Variants in DMD observed in about 807,000 individuals in gnomAD.
DMD encodes mutant dystrophin.
A neutral mutation model predicts 330.1 loss-of-function variants in DMD; 63 were observed. The observed-to-expected ratio is 0.19, with a 90% CI of 0.16 to 0.24. DMD has a LOEUF of 0.24. Ranked by LOEUF, DMD falls within the 10% of genes least tolerant of loss-of-function variation. DMD has a pLI of 1.00. For synonymous variants in DMD, 1,223 were observed against 959.8 expected (o/e 1.27, Z -5.07); for missense variants, 3,344 against 2,684.1 (o/e 1.25, Z -5.43).
At chrX:31,596,070 C>G (rs2077098196) in intron 55 of DMD, among the ~76,000 whole-genome samples, 1 of 111,381 alleles carries the variant, frequency 9.0e-6, no homozygotes, top group Admixed American at 9.6e-5. Context: ...GCTCAAATCA[C>G]AAAAGTATTT....
intron 44 of DMD, among the ~76,000 whole-genome samples, chrX:32,108,212 T>A (rs2096573530): frequency 9.0e-6 from 1 of 111,582 alleles, no homozygotes; most frequent in Admixed American, 9.6e-5. Context: ...GATCCACATT[T>A]TGATCATTGC....
intron 54 of DMD, among the ~76,000 whole-genome samples, chrX:31,636,370 T>C (rs776405890): frequency 8.9e-6 from 1 of 112,219 alleles, no homozygotes; most frequent in Non-Finnish European, 1.9e-5. Context: ...CCATTTTATA[T>C]TCAACATGTA....
At chrX:31,635,433 C>T (rs762604545) in intron 54 of DMD, among the ~76,000 whole-genome samples, 8 of 111,593 alleles carry the variant, frequency 7.2e-5, no homozygotes, top group African/African-American at 2.0e-4. Context: ...TTATATATAT[C>T]CTCATCCACA....
chrX:33,309,899 A>G (rs1405593739), intron 1 of DMD, among the ~76,000 whole-genome samples: 2 of 111,415 alleles, frequency 1.8e-5, no homozygotes, highest in African/African-American at 3.2e-5. Context: ...TCCATCAAAA[A>G]TGAAGCATAG....
intron 67 of DMD, among the ~76,000 whole-genome samples, chrX:31,186,826 C>T (rs913550724): frequency 7.1e-5 from 8 of 112,825 alleles, no homozygotes; most frequent in Non-Finnish European, 1.5e-4. Flanking sequence ...TTTCAGGATT[C>T]ACTGAGTCCA....
intron 50 of DMD, among the ~76,000 whole-genome samples, chrX:31,790,652 C>T (rs1743268262): frequency 9.0e-6 from 1 of 110,524 alleles, no homozygotes; most frequent in South Asian, 3.8e-4. Context: ...TGGGAAAACA[C>T]CATCATTTAT....
chrX:32,265,954 G>A (rs958089037), intron 43 of DMD, among the ~76,000 whole-genome samples: 2 of 111,742 alleles, frequency 1.8e-5, no homozygotes, highest in African/African-American at 6.5e-5. Context: ...AGTGAGTTAA[G>A]ACTTTGAGTG....
At chrX:32,416,629 C>T (rs750984954) in intron 29 of DMD, among the ~76,000 whole-genome samples, 7 of 111,733 alleles carry the variant, frequency 6.3e-5, no homozygotes, top group South Asian at 7.5e-4. Flanking sequence ...CATTAATTGG[C>T]CCCAACCTGA....
At chrX:32,737,559 C>T (rs1476602842) in intron 7 of DMD, among the ~76,000 whole-genome samples, 1 of 111,264 alleles carries the variant, frequency 9.0e-6, no homozygotes, top group African/African-American at 3.3e-5. Flanking sequence ...CTTCTCTCAG[C>T]TGCATTCCCA....
At chrX:32,348,328 T>C (rs1216930385) in intron 38 of DMD, 78 bp downstream of exon 38, 8 of 1,014,317 alleles carry the variant, frequency 7.9e-6, no homozygotes, top group Admixed American at 6.7e-5. Context: ...GAAAATTCAG[T>C]TGGAGACTTA....
chrX:31,596,082 G>C (rs758925049), intron 55 of DMD, among the ~76,000 whole-genome samples: 12 of 111,212 alleles, frequency 1.1e-4, no homozygotes, highest in Non-Finnish European at 2.3e-4. Context: ...AAAGTATTTG[G>C]TTTCTCCTTT....
intron 1 of DMD, among the ~76,000 whole-genome samples, chrX:33,065,850 T>C (rs1285184435): frequency 1.8e-5 from 2 of 112,072 alleles, no homozygotes. Flanking sequence ...TCCTTCGACC[T>C]GGTGTAAAAT....
chrX:31,358,208 C>T (rs1012940239), intron 60 of DMD, among the ~76,000 whole-genome samples: 19 of 109,796 alleles, frequency 1.7e-4, no homozygotes, highest in Non-Finnish European at 2.7e-4. Flanking sequence ...GATATTTTCA[C>T]TTCAACTCTA....
chrX:32,190,550 T>TTATATATATATATATATATA lies in DMD; in HGVS notation c.6438+26346_6438+26365dup, dbSNP rs753482446. Among the ~76,000 whole-genome samples, 149 of 62,482 alleles carry TTATATATATATATATATATA rather than the reference T, an allele frequency of 2.4e-3. 1 individual carries two copies. The highest frequency in any genetic ancestry group is 2.9e-3 in the South Asian group (3 of 1,043). The allele number at this position is 62,482 out of a possible 115,157, so 54.3% of individuals were successfully genotyped here. Reference sequence around the variant, plus strand: ...ATTCTAGCTAACCATATTTAAAATTTTATATATATATATATATATATATAT... The same window carrying TTATATATATATATATATATA: ...ATTCTAGCTAACCATATTTAAAATTTTATATATATATATATATATATATATATATATATATATATATATAT... On this transcript the variant is annotated intron_variant, in intron 44 of 78. Transcript: ENST00000357033.
In DMD at chrX:31,421,932, TAC is replaced by T. The variant is rs1230087249; in HGVS notation, c.9084+22547_9084+22548del. Among the ~76,000 whole-genome samples, 759 of 82,547 alleles carry T rather than the reference TAC, an allele frequency of 9.2e-3. 11 individuals carry two copies. The highest frequency in any genetic ancestry group is 0.034 in the Middle Eastern group (6 of 175). The allele number at this position is 82,547 out of a possible 115,157, so 71.7% of individuals were successfully genotyped here. A position where few individuals can be genotyped will look rare whatever the true frequency, so the allele number is the denominator to read the frequency against. ...ACACACACATATATATATATATATA[TAC>T]ACACACACATATATATATATATATA... On this transcript the variant is annotated intron_variant, in intron 60 of 78. Coordinates refer to ENST00000357033, the MANE Select transcript of DMD (RefSeq NM_004006.3).
At chrX:33,107,674 A>C (rs1423465871) in intron 1 of DMD, among the ~76,000 whole-genome samples, 1 of 111,631 alleles carries the variant, frequency 9.0e-6, no homozygotes, top group East Asian at 2.8e-4. Flanking sequence ...AATGAGAACA[A>C]AGCAACAGAA....
At chrX:32,925,145 GTTTTTTTT>G (rs777224221) in intron 2 of DMD, among the ~76,000 whole-genome samples, 2 of 48,531 alleles carry the variant, frequency 4.1e-5, no homozygotes, top group Non-Finnish European at 7.7e-5. Flanking sequence ...AAAACTCTGG[GTTTTTTTT>G]TTTTTTTTTT....
chrX:31,670,340 G>A (rs2081682536), intron 53 of DMD, among the ~76,000 whole-genome samples: 1 of 111,984 alleles, frequency 8.9e-6, no homozygotes, highest in African/African-American at 3.2e-5. Context: ...CTGAATAGAA[G>A]TGGTGAGACC....
chrX:31,418,949 G>A (rs1166668154), intron 60 of DMD, among the ~76,000 whole-genome samples: 1 of 109,509 alleles, frequency 9.1e-6, no homozygotes, highest in Non-Finnish European at 1.9e-5. Flanking sequence ...CTTTTTTTTT[G>A]TTTTTTGTTT....
Sources: allele counts gnomAD v4.1 joint callset (sites outside exome capture counted in the v4.1 genomes callset), GRCh38; gene constraint gnomAD v4.1.1; transcripts MANE v1.5; gene names NCBI Gene and HGNC (gene_info 2026-07-23, HGNC 2026-07-21).